PTPN21: variants seen among roughly 807,000 people sequenced by gnomAD.
The protein encoded by PTPN21 is protein tyrosine phosphatase non-receptor type 21.
Under a neutral mutation model 131.8 loss-of-function variants are expected in PTPN21, and 77 were observed. The observed-to-expected ratio is 0.58, with a 90% confidence interval of 0.49 to 0.71. The LOEUF (loss-of-function observed/expected upper bound fraction) is 0.71. Among genes scored for constraint, PTPN21 ranks in the 30% least tolerant of loss-of-function variants. The probability of loss-of-function intolerance (pLI) is 0.00; values close to 1 mark genes in which losing one functional copy is unlikely to be tolerated. For synonymous variants in PTPN21, 715 were observed against 621.3 expected (o/e 1.15, Z -2.24); for missense variants, 1,552 against 1,527.1 (o/e 1.02, Z -0.27).
chr14:88,517,305 A>C (rs368192468), intron 2 of PTPN21, 44 bp from the exon 3 acceptor site: 118 of 1,593,444 alleles, frequency 7.4e-5, no homozygotes, highest in South Asian at 6.0e-4. Context: ...AACATACAAA[A>C]GGATTTCAAT....
chr14:88,472,675 G>A (rs1440148033), intron 14 of PTPN21, among the ~76,000 whole-genome samples: 1 of 152,100 alleles, frequency 6.6e-6, no homozygotes, highest in South Asian at 2.1e-4. Context: ...TTCAGGACCA[G>A]CCTGAGAAAC....
At chr14:88,485,938 A>C (rs768068264) in intron 10 of PTPN21, 96 bp from the exon 11 acceptor site, 2 of 759,266 alleles carry the variant, frequency 2.6e-6, no homozygotes, top group South Asian at 4.1e-5. Context: ...AAATCTTCTC[A>C]GGCAAAAAAA....
intron 10 of PTPN21, 72 bp downstream of exon 10, chr14:88,496,341 A>G: frequency 7.6e-7 from 1 of 1,307,654 alleles, no homozygotes; most frequent in South Asian, 1.2e-5. Context: ...TTTCTTGATG[A>G]TACAGTATAC....
intron 3 of PTPN21, 55 bp from the exon 4 acceptor site, chr14:88,508,075 C>A: frequency 7.9e-6 from 7 of 889,900 alleles, no homozygotes; most frequent in East Asian, 5.3e-5. Flanking sequence ...CATTGAGATA[C>A]AATGCATTTA....
At chr14:88,544,739 C>T (rs768164743) in intron 2 of PTPN21, among the ~76,000 whole-genome samples, 24 of 152,164 alleles carry the variant, frequency 1.6e-4, no homozygotes, top group Non-Finnish European at 3.5e-4. Context: ...ACTGAAGCAC[C>T]GCGCAGAGGA....
At position 88,550,518 on chromosome 14, in the gene PTPN21, C is replaced by T; in HGVS notation, c.-101G>A. 5 of 1,141,754 alleles carry T rather than the reference C, an allele frequency of 4.4e-6. No individual in the cohort carries two copies. Among genetic ancestry groups the T allele is most frequent in the Non-Finnish European group, 3.7e-6 (3 of 812,372 alleles). 70.7% of individuals were successfully genotyped at this position (1,141,754 alleles called of 1,614,324 possible). On this transcript the variant is annotated 5_prime_UTR_variant, in exon 2 of 19. Coordinates refer to ENST00000556564, the MANE Select transcript of PTPN21 (RefSeq NM_007039.4). ...AGAAAGCGATCCTCTCCGGATGGGACGAACACTGTCCGGCCTCCAGCTGCT... is the reference window on the plus strand; with the variant it reads ...AGAAAGCGATCCTCTCCGGATGGGATGAACACTGTCCGGCCTCCAGCTGCT...
Position 88,479,010 on chromosome 14 carries a change from G to T in PTPN21, c.2421C>A (p.Tyr807Ter). 1 of 1,603,524 alleles carries T rather than the reference G, an allele frequency of 6.2e-7. No individual in the cohort carries two copies. ...SESDLTTSGR[Y>*]RARRDSLKKR... ...TCTTCAGAGAGTCCCTCCGGGCTCG[G>T]TAGCGGCCTGACGTGGTGAGGTCGG... The change falls in exon 13 of 19, where the codon TAC becomes TAA. Residue 807 changes from tyrosine to a stop codon, truncating the protein, a stop_gained. Transcript: ENST00000556564. LOFTEE classifies it high-confidence loss of function.
In PTPN21 at chr14:88,472,316, A is replaced by G. The variant is rs1433624088; in HGVS notation, c.2799T>C (p.Tyr933=). The G allele has an allele frequency of 3.7e-6, 6 of 1,613,972 alleles. No homozygotes were observed. The highest frequency in any genetic ancestry group is 4.5e-5 in the East Asian group (2 of 44,870). The change falls in exon 15 of 19, where the codon TAT becomes TAC. Residue 933 remains tyrosine, a synonymous_variant. Transcript: ENST00000556564. ...ERNRFQDVLP[Y]DDVRVELVPT... ...GGACCAACTCCACTCTCACATCATC[A>G]TAAGGAAGAACATCTTGGAATCGAT... is the stretch of plus-strand genomic sequence containing the variant.
At chr14:88,534,772 GCTGAGGCTACTTGGGAGA>G (rs936420284) in intron 2 of PTPN21, among the ~76,000 whole-genome samples, 1 of 152,120 alleles carries the variant, frequency 6.6e-6, no homozygotes, top group African/African-American at 2.4e-5. Context: ...TACTTGGGAG[GCTGAGGCTACTTGGGAGA>G]ATGCTTGAGC....
Position 88,485,133 on chromosome 14 carries a change from G to T in PTPN21, c.1021C>A (p.Pro341Thr), listed in dbSNP as rs753913340. ...CCATTATAGTGCAACTGCGGTGGGG[G>T]AGGCATCACGTAGGGCTGGGGTTTA... ...LPKPQPYVMP[P>T]PPQLHYNGHY... The change falls in exon 12 of 19, where the codon CCC becomes ACC. Residue 341 changes from proline (P) to threonine (T), a missense_variant. Around this residue, in one of 4 missense-constraint regions of PTPN21, gnomAD observed 1,016 missense variants for 883.5 expected, o/e 1.15. Transcript: ENST00000556564. 1 of 1,606,514 alleles carries T rather than the reference G, an allele frequency of 6.2e-7. No individual in the cohort carries two copies. The highest frequency in any genetic ancestry group is 2.2e-5 in the East Asian group (1 of 44,528).
chr14:88,524,556 T>C (rs950456035), intron 2 of PTPN21, among the ~76,000 whole-genome samples: 7 of 152,134 alleles, frequency 4.6e-5, no homozygotes, highest in African/African-American at 1.4e-4. Flanking sequence ...AATAAATGCT[T>C]GAGTATAACA....
chr14:88,545,414 G>A (rs568332632), intron 2 of PTPN21, among the ~76,000 whole-genome samples: 9 of 152,292 alleles, frequency 5.9e-5, no homozygotes, highest in African/African-American at 2.2e-4. Flanking sequence ...GGATTGTGCT[G>A]ATTCCGTCAA....
chr14:88,470,359 T>C (rs2077442058), intron 15 of PTPN21: 2 of 306,572 alleles, frequency 6.5e-6, no homozygotes, highest in Non-Finnish European at 1.2e-5. Flanking sequence ...CATAGGGTCA[T>C]TGTGAGGACT....
intron 1 of PTPN21, among the ~76,000 whole-genome samples, chr14:88,554,413 C>T (rs2078899164): frequency 6.6e-6 from 1 of 152,210 alleles, no homozygotes; most frequent in Admixed American, 6.5e-5. Context: ...CAACAATCGG[C>T]CAGGGCGTTC....
At chr14:88,494,195 G>C (rs1165811104) in intron 10 of PTPN21, among the ~76,000 whole-genome samples, 1 of 152,190 alleles carries the variant, frequency 6.6e-6, no homozygotes, top group East Asian at 1.9e-4. Context: ...AGGCTGCAAT[G>C]AGGGAGCAAG....
chr14:88,497,323 G>A (rs772233528), intron 8 of PTPN21, 33 bp from the exon 9 acceptor site: 6 of 1,515,496 alleles, frequency 4.0e-6, no homozygotes, highest in Admixed American at 3.4e-5. Flanking sequence ...CTGGCAATGT[G>A]AGTGCCCATG....
chr14:88,517,779 G>GGT (rs1214134293), intron 2 of PTPN21, among the ~76,000 whole-genome samples: 1 of 138,354 alleles, frequency 7.2e-6, no homozygotes, highest in Admixed American at 7.3e-5. Flanking sequence ...TATATATAAT[G>GGT]GTATATATAT....
At chr14:88,525,431 T>A (rs974781870) in intron 2 of PTPN21, among the ~76,000 whole-genome samples, 2 of 152,174 alleles carry the variant, frequency 1.3e-5, no homozygotes, top group Non-Finnish European at 2.9e-5. Flanking sequence ...TGAAAAAAGA[T>A]ATGAATGGCT....
chr14:88,512,126 C>T (rs2078195735), intron 3 of PTPN21, among the ~76,000 whole-genome samples: 1 of 152,162 alleles, frequency 6.6e-6, no homozygotes, highest in South Asian at 2.1e-4. Flanking sequence ...AACCTTATGC[C>T]TACCACGTTT....
Sources: gnomAD v4.1 joint callset for allele counts (sites outside exome capture counted in the v4.1 genomes callset) on GRCh38, gnomAD v4.1.1 for gene constraint, gnomAD v4.1.1 regional missense constraint, MANE v1.5 for transcripts, NCBI Gene and HGNC (gene_info 2026-07-23, HGNC 2026-07-21) for gene names.